Variants in LIPC observed in about 807,000 individuals in gnomAD.
The protein encoded by LIPC is lipase C, hepatic type.
In LIPC, 44 loss-of-function variants were observed where a neutral mutation model predicts 50.7. The ratio of observed to expected loss-of-function variants is 0.87; its 90% CI spans 0.68 to 1.11. The LOEUF is 1.11. Ranked by LOEUF, LIPC falls within the 50% of genes most tolerant of loss-of-function variation. LIPC has a pLI of 0.00. For missense variants in LIPC, 697 were observed against 648.2 expected (o/e 1.08, Z -0.82); for synonymous variants, 271 against 256.4 (o/e 1.06, Z -0.54).
intron 1 of LIPC, among the ~76,000 whole-genome samples, chr15:58,535,839 G>A (rs2140900775): frequency 6.6e-6 from 1 of 152,290 alleles, no homozygotes; most frequent in Middle Eastern, 3.4e-3. Context: ...ATTTGAGGCA[G>A]CTATCCTAAA....
chr15:58,466,817 G>A (rs569828050), intron 1 of LIPC, among the ~76,000 whole-genome samples: 2 of 152,098 alleles, frequency 1.3e-5, no homozygotes, highest in South Asian at 4.1e-4. Context: ...CTCTTTGCAG[G>A]TCATATGAAA....
At chr15:58,486,246 A>C (rs1397204546) in intron 1 of LIPC, among the ~76,000 whole-genome samples, 1 of 152,138 alleles carries the variant, frequency 6.6e-6, no homozygotes, top group Non-Finnish European at 1.5e-5. Context: ...TCTCACCCAG[A>C]GCATCCCTCC....
At chr15:58,443,689 G>A (rs1322580620) in intron 1 of LIPC, among the ~76,000 whole-genome samples, 1 of 152,226 alleles carries the variant, frequency 6.6e-6, no homozygotes, top group Non-Finnish European at 1.5e-5. Context: ...TCACGCATGT[G>A]AAGAGACCAC....
chr15:58,472,207 G>T lies in LIPC; in HGVS notation c.88+40087G>T, dbSNP rs572132428. 2.1e-5 allele frequency among the ~76,000 whole-genome samples: 3 copies of T among 143,818 alleles called. No individual in the cohort carries two copies. The East Asian group carries it at 6.3e-4, about 30-fold the overall frequency. The allele number at this position is 143,818 out of a possible 152,430, so 94.4% of individuals were successfully genotyped here. Reference sequence around the variant, plus strand: ...AATCACTTGAACCTGGGAGGCAGAGGTTGCAATGAGCAAAGATTGCACCAT... The same window carrying T: ...AATCACTTGAACCTGGGAGGCAGAGTTTGCAATGAGCAAAGATTGCACCAT... On this transcript the variant is annotated intron_variant, in intron 1 of 8. Transcript: ENST00000299022.
At chr15:58,516,905 G>A (rs1278358401) in intron 1 of LIPC, among the ~76,000 whole-genome samples, 4 of 152,176 alleles carry the variant, frequency 2.6e-5, no homozygotes, top group Admixed American at 6.5e-5. Flanking sequence ...CGGACATTGT[G>A]AATTTTACCT....
chr15:58,442,767 T>C (rs568036714), intron 1 of LIPC, among the ~76,000 whole-genome samples: 1 of 152,156 alleles, frequency 6.6e-6, no homozygotes, highest in South Asian at 2.1e-4. Flanking sequence ...AGCTGAAACA[T>C]GGGCTTGCCT....
chr15:58,433,864 T>G (rs1228243251), intron 1 of LIPC, among the ~76,000 whole-genome samples: 1 of 152,188 alleles, frequency 6.6e-6, no homozygotes, highest in Non-Finnish European at 1.5e-5. Context: ...CTTGTTCTCT[T>G]GGAAGCAGAA....
intron 1 of LIPC, among the ~76,000 whole-genome samples, chr15:58,494,368 G>A (rs1277616940): frequency 1.3e-5 from 2 of 152,232 alleles, no homozygotes; most frequent in African/African-American, 4.8e-5. Context: ...GGTTACTCCA[G>A]CAGGTACAGA....
At chr15:58,475,522 C>T (rs1205365188) in intron 1 of LIPC, among the ~76,000 whole-genome samples, 1 of 152,194 alleles carries the variant, frequency 6.6e-6, no homozygotes, top group African/African-American at 2.4e-5. Context: ...TCCATCAGAT[C>T]TTCCCTGAAC....
rs1253543611 is a variant in LIPC at position 58,471,331 on chromosome 15, G to GGGC, written c.88+39213_88+39214insCGG. ...TTTTTTGTATTTTTAGTAGAGATGGGGGGGGGTGGTCTCACCATGTTGGCC... is the reference window on the plus strand; with the variant it reads ...TTTTTTGTATTTTTAGTAGAGATGGGGGCGGGGGGTGGTCTCACCATGTTGGCC... On this transcript the variant is annotated intron_variant, in intron 1 of 8. Transcript: ENST00000299022. 1.8e-3 allele frequency among the ~76,000 whole-genome samples: 248 copies of GGGC among 139,094 alleles called. 8 individuals are homozygous for GGGC. Among genetic ancestry groups the GGGC allele is most frequent in the African/African-American group, 6.6e-3 (237 of 35,912 alleles). 91.3% of individuals were successfully genotyped at this position (139,094 alleles called of 152,430 possible).
rs28593360 is a variant in LIPC, at chr15:58,453,075, G to A, written c.88+20955G>A. Among the ~76,000 whole-genome samples, 1,140 of 152,244 alleles carry A rather than the reference G, an allele frequency of 7.5e-3. 14 individuals are homozygous for A. The highest frequency in any genetic ancestry group is 0.026 in the African/African-American group (1,081 of 41,520). On this transcript the variant is annotated intron_variant, in intron 1 of 8. Coordinates refer to ENST00000299022, the MANE Select transcript of LIPC (RefSeq NM_000236.3). ...GTACAAAGTCTCAGAAATGACTTCG[G>A]TCTTCTTCCCCGCCTCTGAGGATTG... is the stretch of plus-strand genomic sequence containing the variant.
At chr15:58,438,898 C>T (rs1298290193) in intron 1 of LIPC, among the ~76,000 whole-genome samples, 1 of 152,096 alleles carries the variant, frequency 6.6e-6, no homozygotes, top group African/African-American at 2.4e-5. Context: ...CATTTTTTCC[C>T]CAGTGGGGCT....
chr15:58,506,855 G>C (rs1423334082), intron 1 of LIPC, among the ~76,000 whole-genome samples: 6 of 152,198 alleles, frequency 3.9e-5, no homozygotes, highest in African/African-American at 1.4e-4. Context: ...GAAATTTATA[G>C]AGGAAACAAG....
At chr15:58,461,293 C>T (rs1894340499) in intron 1 of LIPC, among the ~76,000 whole-genome samples, 1 of 152,228 alleles carries the variant, frequency 6.6e-6, no homozygotes, top group African/African-American at 2.4e-5. Context: ...TATCATTGCT[C>T]CCACTTTATA....
At chr15:58,470,596 CCTT>C (rs1894756869) in intron 1 of LIPC, among the ~76,000 whole-genome samples, 1 of 101,004 alleles carries the variant, frequency 9.9e-6, no homozygotes, top group Non-Finnish European at 2.1e-5. Flanking sequence ...GCATTTAACT[CCTT>C]TTTTTTTTTT....
In LIPC at chr15:58,543,373, G is replaced by A. The variant is rs1595936693; in HGVS notation, c.574+722G>A. 2.0e-5 allele frequency among the ~76,000 whole-genome samples: 3 copies of A among 151,382 alleles called. No individual in the cohort carries two copies. In the South Asian group the frequency reaches 6.3e-4, roughly 32 times the overall value. ...TTTCTCGGTGTGGAAGCCCCAGAGTGCCCCAGCCTCTCCTCCTGCTGATCC... is the reference window on the plus strand; with the variant it reads ...TTTCTCGGTGTGGAAGCCCCAGAGTACCCCAGCCTCTCCTCCTGCTGATCC... On this transcript the variant is annotated intron_variant, in intron 4 of 8. Coordinates refer to ENST00000299022, the MANE Select transcript of LIPC (RefSeq NM_000236.3).
At chr15:58,530,519 A>G (rs1336062274) in intron 1 of LIPC, among the ~76,000 whole-genome samples, 1 of 152,264 alleles carries the variant, frequency 6.6e-6, no homozygotes. Flanking sequence ...ATCAAGGGCA[A>G]TGTGGAGAAA....
chr15:58,458,479 C>G (rs1200684723), intron 1 of LIPC, among the ~76,000 whole-genome samples: 1 of 152,184 alleles, frequency 6.6e-6, no homozygotes, highest in African/African-American at 2.4e-5. Context: ...TGTCCTCATT[C>G]CCAGCTCTTT....
chr15:58,506,853 T>C (rs1314657783), intron 1 of LIPC, among the ~76,000 whole-genome samples: 8 of 152,198 alleles, frequency 5.3e-5, no homozygotes, highest in Admixed American at 4.6e-4. Context: ...AGGAAATTTA[T>C]AGAGGAAACA....
Sources: allele counts gnomAD v4.1 joint callset (sites outside exome capture counted in the v4.1 genomes callset), GRCh38; gene constraint gnomAD v4.1.1; transcripts MANE v1.5; gene names NCBI Gene and HGNC (gene_info 2026-07-23, HGNC 2026-07-21).